The following MMS19 variants were observed in gnomAD, a reference collection of about 807,000 sequenced individuals.
MMS19 encodes MMS19 nucleotide excision repair protein homolog.
Under a neutral mutation model 129.8 loss-of-function variants are expected in MMS19, and 77 were observed. The observed-to-expected ratio is 0.59, with a 90% CI of 0.49 to 0.72. MMS19 has a LOEUF of 0.72. Among genes scored for constraint, MMS19 ranks in the 30% least tolerant of loss-of-function variants. The pLI, the probability that MMS19 is intolerant of heterozygous loss-of-function variation, is 0.00. For missense variants in MMS19, 1,168 were observed against 1,266.3 expected (o/e 0.92, Z 1.18); for synonymous variants, 491 against 502.8 (o/e 0.98, Z 0.31).
chr10:97,498,389 C>A lies in MMS19; in HGVS notation c.-5G>T. The stretch of plus-strand genomic sequence containing the variant: ...CACAGCCGCGGCAGCGGCCATAACG[C>A]GAACTAGAGACCGTGGGAGGGGATA... On this transcript the variant is annotated 5_prime_UTR_variant, in exon 1 of 31. Coordinates refer to ENST00000438925, the MANE Select transcript of MMS19 (RefSeq NM_022362.5). 1 of 1,580,362 alleles carries A rather than the reference C, an allele frequency of 6.3e-7. No homozygotes were observed.
intron 1 of MMS19, among the ~76,000 whole-genome samples, chr10:97,490,405 T>C (rs775571925): frequency 4.6e-5 from 7 of 152,142 alleles, no homozygotes; most frequent in Non-Finnish European, 8.8e-5. Context: ...AGCAGCACAA[T>C]AGTAACTCAC....
At chr10:97,461,045 A>C (rs3740525) in intron 23 of MMS19, 38 bp from the exon 24 acceptor site, 2 of 1,470,940 alleles carry the variant, frequency 1.4e-6, no homozygotes, top group Non-Finnish European at 1.8e-6. Context: ...TAAAGGCTAC[A>C]CATTTTCCCT....
rs1554852518 is a variant in MMS19 at position 97,486,891 on chromosome 10, A to ATATATATATATATATATATATATATG, written c.113-2741_113-2740insCATATATATATATATATATATATATA. Among the ~76,000 whole-genome samples, 6 of 132,338 alleles carry ATATATATATATATATATATATATATG rather than the reference A, an allele frequency of 4.5e-5. 1 individual carries two copies. The highest frequency in any genetic ancestry group is 9.9e-5 in the Non-Finnish European group (6 of 60,678). 86.8% of individuals were successfully genotyped at this position (132,338 alleles called of 152,430 possible). A position where few individuals can be genotyped will look rare whatever the true frequency, so the allele number is the denominator to read the frequency against. On this transcript the variant is annotated intron_variant, in intron 1 of 30. Transcript: ENST00000438925. ...TATATATATATATATATATATATAT[A>ATATATATATATATATATATATATATG]TATAAAATTAAGACAGGCAAGTTGT...
chr10:97,479,348 T>C (rs891255869), intron 3 of MMS19, among the ~76,000 whole-genome samples: 1 of 152,044 alleles, frequency 6.6e-6, no homozygotes, highest in Non-Finnish European at 1.5e-5. Flanking sequence ...AAACTGAACC[T>C]CACATTGACA....
rs548039384 is a variant in MMS19, at chr10:97,492,460, G to T, written c.112+5813C>A. Among the ~76,000 whole-genome samples the T allele has an allele frequency of 5.3e-5, 8 of 151,186 alleles. No individual in the cohort carries two copies. The East Asian group carries it at 1.6e-3, about 29-fold the overall frequency. Reference sequence around the variant, plus strand: ...ACTGCACTCCCACCTGGGCGACTGAGTGAGACTCTGTCTCAAAAAAAAAAG... The same window carrying T: ...ACTGCACTCCCACCTGGGCGACTGATTGAGACTCTGTCTCAAAAAAAAAAG... On this transcript the variant is annotated intron_variant, in intron 1 of 30. Transcript: ENST00000438925.
intron 3 of MMS19, 71 bp from the exon 4 acceptor site, chr10:97,478,460 A>G (rs943142432): frequency 8.8e-7 from 1 of 1,132,896 alleles, no homozygotes; most frequent in African/African-American, 1.5e-5. Context: ...TTCCTTCCCT[A>G]AGTCTATAAC....
rs1249302470 is a variant in MMS19, at chr10:97,461,867, A to C, written c.2145T>G (p.Ile715Met). The C allele has an allele frequency of 1.9e-6, 3 of 1,608,714 alleles. No homozygotes were observed. The highest frequency in any genetic ancestry group is 1.7e-6 in the Non-Finnish European group (2 of 1,177,686). The change falls in exon 22 of 31, where the codon ATT (isoleucine) becomes ATG (methionine). Residue 715 changes from isoleucine (I) to methionine (M), a missense_variant. Ile to Met is a conservative substitution (Grantham distance 10). Around this residue, in one of 3 missense-constraint regions of MMS19, gnomAD observed 831 missense variants for 910.8 expected, o/e 0.91. Coordinates refer to ENST00000438925, the MANE Select transcript of MMS19 (RefSeq NM_022362.5). ...AGCAGACAAAGGCCATAAGCAGTGCAATCAGCCGCCTCTGCCCTGAGGAGC... is the reference window on the plus strand; with the variant it reads ...AGCAGACAAAGGCCATAAGCAGTGCCATCAGCCGCCTCTGCCCTGAGGAGC... Reference protein sequence around the residue: ...QDGSSGQRRLIALLMAFVCSL... With the variant: ...QDGSSGQRRLMALLMAFVCSL...
chr10:97,480,566 G>A (rs1269623695), intron 3 of MMS19, among the ~76,000 whole-genome samples: 1 of 152,086 alleles, frequency 6.6e-6, no homozygotes, highest in Non-Finnish European at 1.5e-5. Flanking sequence ...AACAGTCTAA[G>A]GCTACATTTG....
At chr10:97,470,245 G>C in intron 9 of MMS19, 42 bp from the exon 10 acceptor site, 1 of 1,410,366 alleles carries the variant, frequency 7.1e-7, no homozygotes, top group Non-Finnish European at 9.9e-7. Flanking sequence ...GATGGGTGGT[G>C]TGTCAGTCAC....
At chr10:97,475,494 T>C (rs2035571457) in intron 8 of MMS19, among the ~76,000 whole-genome samples, 1 of 152,188 alleles carries the variant, frequency 6.6e-6, no homozygotes, top group Non-Finnish European at 1.5e-5. Context: ...CCCAGCACTT[T>C]GGGAGGCCGA....
intron 11 of MMS19, among the ~76,000 whole-genome samples, 178 bp from the exon 12 acceptor site, chr10:97,469,282 AC>A (rs2034189357): frequency 6.6e-6 from 1 of 152,172 alleles, no homozygotes; most frequent in African/African-American, 2.4e-5. Context: ...GTCCTTAGTC[AC>A]ACTCAGGACA....
chr10:97,498,511 C>T (rs1589857950), upstream of MMS19: 1 of 1,390,458 alleles, frequency 7.2e-7, no homozygotes, highest in Non-Finnish European at 9.6e-7. Context: ...ACGTGCCTGC[C>T]GGCTTCTGCC....
chr10:97,485,231 C>T (rs1018794477), intron 1 of MMS19, among the ~76,000 whole-genome samples: 3 of 151,710 alleles, frequency 2.0e-5, no homozygotes, highest in Non-Finnish European at 2.9e-5. Context: ...TGGGTTCAAG[C>T]GATTCTCCTG....
intron 8 of MMS19, among the ~76,000 whole-genome samples, chr10:97,473,288 G>A (rs2035117692): frequency 6.6e-6 from 1 of 151,934 alleles, no homozygotes; most frequent in Non-Finnish European, 1.5e-5. Context: ...CACCCGCCTC[G>A]GCCTCTTAAA....
rs1337733116 is a variant in MMS19 at position 97,465,965 on chromosome 10, C to T, written c.1607-11G>A. The T allele has an allele frequency of 6.2e-7, 1 of 1,613,544 alleles. No homozygotes were observed. Among genetic ancestry groups the T allele is most frequent in the Non-Finnish European group, 8.5e-7 (1 of 1,179,640 alleles). ...TCAAATTTGACTCCCCTGAAAGCAA[C>T]CCATGAGACAAAGGTTTACTGTGTG... is the stretch of plus-strand genomic sequence containing the variant. On this transcript the variant is annotated splice_polypyrimidine_tract_variant and intron_variant, in intron 17 of 30. Coordinates refer to ENST00000438925, the MANE Select transcript of MMS19 (RefSeq NM_022362.5).
At position 97,468,244 on chromosome 10, in the gene MMS19, T is replaced by C; in HGVS notation, c.1218+8A>G. 2 of 1,539,098 alleles carry C rather than the reference T, an allele frequency of 1.3e-6. No homozygotes were observed. Among genetic ancestry groups the C allele is most frequent in the Non-Finnish European group, 1.8e-6 (2 of 1,136,076 alleles). Reference sequence around the variant, plus strand: ...CCATCATTTCCCCCAAAGATTCTGCTCCCTTACCTGACTGTGCTTGTGGAA... The same window carrying C: ...CCATCATTTCCCCCAAAGATTCTGCCCCCTTACCTGACTGTGCTTGTGGAA... On this transcript the variant is annotated splice_region_variant and intron_variant, in intron 13 of 30. Transcript: ENST00000438925.
rs543145774 is a variant in MMS19 at position 97,467,574 on chromosome 10, G to A, written c.1228C>T (p.Arg410Trp). The change falls in exon 14 of 31, where the codon CGG becomes TGG. Residue 410 changes from arginine (R) to tryptophan (W), a missense_variant. By Grantham distance (101) the Arg-to-Trp change is moderately radical. Transcript: ENST00000438925. ...QFHKHSQSSQRRTILEMLLGF... is the reference protein window; with the variant it reads ...QFHKHSQSSQWRTILEMLLGF... ...AGGAGCATTTCAAGGATTGTCCGCCGCTGGCTGCTCTGTAACGTTTCAAGG... is the reference window on the plus strand; with the variant it reads ...AGGAGCATTTCAAGGATTGTCCGCCACTGGCTGCTCTGTAACGTTTCAAGG... The A allele has an allele frequency of 8.7e-6, 14 of 1,613,764 alleles. No individual in the cohort carries two copies. The highest frequency in any genetic ancestry group is 4.4e-5 in the South Asian group (4 of 91,074).
At chr10:97,493,243 C>G (rs979726332) in intron 1 of MMS19, among the ~76,000 whole-genome samples, 2 of 151,958 alleles carry the variant, frequency 1.3e-5, no homozygotes, top group African/African-American at 4.8e-5. Flanking sequence ...ATTCTTGGGC[C>G]CAAGCAATCC....
intron 1 of MMS19, among the ~76,000 whole-genome samples, chr10:97,488,459 T>C (rs961081294): frequency 6.6e-6 from 1 of 152,206 alleles, no homozygotes. Context: ...AGTCATCTTT[T>C]GGTATATACA....
Sources: allele counts gnomAD v4.1 joint callset (sites outside exome capture counted in the v4.1 genomes callset), GRCh38; gene constraint gnomAD v4.1.1; regional missense constraint gnomAD v4.1.1; transcripts MANE v1.5; gene names NCBI Gene and HGNC (gene_info 2026-07-23, HGNC 2026-07-21).